BCHE: variants seen among roughly 807,000 people sequenced by gnomAD.
The protein encoded by BCHE is cholinesterase.
A neutral mutation model predicts 51.3 loss-of-function variants in BCHE; 48 were observed. That is an observed-to-expected ratio of 0.94 (90% CI 0.74 to 1.19). The LOEUF is 1.19. Among genes scored for constraint, BCHE ranks in the 50% most tolerant of loss-of-function variants. The probability of loss-of-function intolerance (pLI) is 0.00; values close to 1 mark genes in which losing one functional copy is unlikely to be tolerated. For missense variants in BCHE, 847 were observed against 708.2 expected, an observed-to-expected ratio of 1.20 and a Z score of -2.23; for synonymous variants, 251 against 238.0, an observed-to-expected ratio of 1.05 and a Z score of -0.50.
chr3:165,774,393 G>A (rs1186428400), intron 3 of BCHE, among the ~76,000 whole-genome samples: 2 of 151,798 alleles, frequency 1.3e-5, no homozygotes, highest in African/African-American at 4.8e-5. Context: ...GAGTGCAATG[G>A]CGCCATCTTG....
intron 2 of BCHE, among the ~76,000 whole-genome samples, chr3:165,799,063 T>C (rs182438373): frequency 1.3e-5 from 2 of 152,308 alleles, no homozygotes; most frequent in Admixed American, 1.3e-4. Context: ...AACATATCTA[T>C]ATCATCTGAC....
At chr3:165,784,859 G>A (rs1208784242) in intron 3 of BCHE, among the ~76,000 whole-genome samples, 6 of 151,662 alleles carry the variant, frequency 4.0e-5, no homozygotes, top group Non-Finnish European at 5.9e-5. Context: ...ATAATATATA[G>A]TATGTGATAT....
chr3:165,824,644 A>G (rs1480759470), intron 2 of BCHE, among the ~76,000 whole-genome samples: 1 of 151,998 alleles, frequency 6.6e-6, no homozygotes, highest in Non-Finnish European at 1.5e-5. Flanking sequence ...TTAACCCCCA[A>G]ATTAAAAAAT....
chr3:165,812,085 C>T (rs1226140323), intron 2 of BCHE, among the ~76,000 whole-genome samples: 1 of 151,976 alleles, frequency 6.6e-6, no homozygotes, highest in African/African-American at 2.4e-5. Context: ...GGAGGACCAC[C>T]TGAATTACAT....
intron 3 of BCHE, among the ~76,000 whole-genome samples, chr3:165,780,125 G>C (rs989479118): frequency 6.6e-6 from 1 of 152,058 alleles, no homozygotes; most frequent in African/African-American, 2.4e-5. Flanking sequence ...ACAACCATTT[G>C]TTCTTTGACA....
chr3:165,823,415 A>G (rs1270710677), intron 2 of BCHE, among the ~76,000 whole-genome samples: 2 of 152,122 alleles, frequency 1.3e-5, no homozygotes, highest in Non-Finnish European at 1.5e-5. Flanking sequence ...CTCATCATAA[A>G]CAATTATAAT....
At chr3:165,781,716 C>T (rs1203208734) in intron 3 of BCHE, among the ~76,000 whole-genome samples, 1 of 151,978 alleles carries the variant, frequency 6.6e-6, no homozygotes, top group Non-Finnish European at 1.5e-5. Context: ...ATGTAACAAA[C>T]CTGCACGTTC....
At chr3:165,817,405 C>T (rs1162686505) in intron 2 of BCHE, among the ~76,000 whole-genome samples, 1 of 152,042 alleles carries the variant, frequency 6.6e-6, no homozygotes, top group Non-Finnish European at 1.5e-5. Context: ...TATTTCATAA[C>T]TAAATGTCTC....
intron 1 of BCHE, among the ~76,000 whole-genome samples, chr3:165,834,063 G>C (rs941896488): frequency 6.6e-6 from 1 of 151,954 alleles, no homozygotes; most frequent in Non-Finnish European, 1.5e-5. Context: ...TTTCAAACTT[G>C]TTCTACAAAC....
intron 2 of BCHE, among the ~76,000 whole-genome samples, chr3:165,801,031 G>A (rs143401051): frequency 2.1e-3 from 320 of 152,284 alleles, no homozygotes; most frequent in African/African-American, 6.8e-3. Context: ...AACTGAAGAA[G>A]GGTATTGAAA....
Position 165,836,532 on chromosome 3 carries a change from A to C in BCHE, c.-9+782T>G, listed in dbSNP as rs575323480. ...TCAGTTTACTTTTAGTCATTCATAG[A>C]TTTTATAATCCTTAATATTTAATTC... On this transcript the variant is annotated intron_variant, in intron 1 of 3. Transcript: ENST00000264381. Among the ~76,000 whole-genome samples the C allele has an allele frequency of 3.9e-5, 6 of 152,128 alleles. No individual in the cohort carries two copies. The South Asian group carries it at 1.2e-3, about 32-fold the overall frequency.
chr3:165,837,233 A>G, intron 1 of BCHE, 81 bp downstream of exon 1: 1 of 912,580 alleles, frequency 1.1e-6, no homozygotes, highest in South Asian at 1.4e-5. Flanking sequence ...CAAACACATG[A>G]AGAGATCACT....
chr3:165,775,202 T>G (rs932210498), intron 3 of BCHE, among the ~76,000 whole-genome samples: 1 of 152,050 alleles, frequency 6.6e-6, no homozygotes, highest in Admixed American at 6.6e-5. Flanking sequence ...AATAAAAATA[T>G]TTAAACCTTT....
intron 2 of BCHE, among the ~76,000 whole-genome samples, chr3:165,829,003 A>G (rs1714842492): frequency 6.6e-6 from 1 of 152,082 alleles, no homozygotes; most frequent in Non-Finnish European, 1.5e-5. Context: ...AAACCAAACA[A>G]TACAATGGCA....
chr3:165,789,857 T>C (rs372804899), intron 2 of BCHE, among the ~76,000 whole-genome samples: 2 of 152,326 alleles, frequency 1.3e-5, no homozygotes, highest in African/African-American at 4.8e-5. Context: ...ATAAAGTGTG[T>C]ACTAGATCAG....
Position 165,829,714 on chromosome 3 carries a change from C to CCATT in BCHE, c.1316_1319dup (p.Trp440Ter). 6.2e-7 allele frequency: 1 copy of CCATT among 1,613,774 alleles called. No individual in the cohort carries two copies. Among genetic ancestry groups the CCATT allele is most frequent in the Non-Finnish European group, 8.5e-7 (1 of 1,179,898 alleles). ...AATAGTAGAAAAAGGCATTATTTCC[C>CCATT]CATTCTGAGAACTTCTTGGTGAACT... On this transcript the variant is annotated stop_gained and frameshift_variant, in exon 2 of 4. Transcript: ENST00000264381. LOFTEE classifies it high-confidence loss of function.
intron 2 of BCHE, among the ~76,000 whole-genome samples, chr3:165,827,808 G>C (rs190439857): frequency 6.6e-6 from 1 of 152,014 alleles, no homozygotes; most frequent in African/African-American, 2.4e-5. Flanking sequence ...TAAGCTGATC[G>C]TTCTTTCCTT....
At chr3:165,821,162 T>G (rs1054828733) in intron 2 of BCHE, among the ~76,000 whole-genome samples, 7 of 151,970 alleles carry the variant, frequency 4.6e-5, no homozygotes, top group Admixed American at 3.9e-4. Context: ...CTGATATTAT[T>G]TTGATATATT....
intron 2 of BCHE, among the ~76,000 whole-genome samples, chr3:165,828,344 G>T (rs1219676638): frequency 6.6e-6 from 1 of 152,130 alleles, no homozygotes; most frequent in Non-Finnish European, 1.5e-5. Context: ...GTGTTACTGA[G>T]TAATGTGAGT....
Sources: allele counts gnomAD v4.1 joint callset (sites outside exome capture counted in the v4.1 genomes callset), GRCh38; gene constraint gnomAD v4.1.1; transcripts MANE v1.5; gene names NCBI Gene and HGNC (gene_info 2026-07-23, HGNC 2026-07-21).